Variants in KCND2 observed in about 807,000 individuals in gnomAD.
KCND2 encodes the protein A-type voltage-gated potassium channel KCND2.
In KCND2, 16 loss-of-function variants were observed where a neutral mutation model predicts 54.4. That is an observed-to-expected ratio of 0.29 (90% CI 0.20 to 0.45). KCND2 has a LOEUF of 0.45. Ranked by LOEUF, KCND2 falls within the 20% of genes least tolerant of loss-of-function variation. The pLI is 1.00. For missense variants in KCND2, 486 were observed against 824.2 expected, an observed-to-expected ratio of 0.59 and a Z score of 5.02; for synonymous variants, 317 against 310.7, an observed-to-expected ratio of 1.02 and a Z score of -0.21.
intron 1 of KCND2, among the ~76,000 whole-genome samples, chr7:120,378,857 T>C (rs1800873072): frequency 6.6e-6 from 1 of 151,978 alleles, no homozygotes; most frequent in Non-Finnish European, 1.5e-5. Flanking sequence ...GAGAGGGTGA[T>C]AAAATCTTAG....
At chr7:120,624,105 A>G (rs923966323) in intron 1 of KCND2, among the ~76,000 whole-genome samples, 3 of 152,204 alleles carry the variant, frequency 2.0e-5, no homozygotes, top group Admixed American at 1.3e-4. Context: ...AAAATGAAAG[A>G]TGTATGGTTC....
intron 1 of KCND2, among the ~76,000 whole-genome samples, chr7:120,487,839 G>A (rs571959537): frequency 6.6e-6 from 1 of 152,204 alleles, no homozygotes; most frequent in Non-Finnish European, 1.5e-5. Flanking sequence ...AAATAACATA[G>A]AAGATATCCA....
At chr7:120,586,184 AAC>A (rs906281223) in intron 1 of KCND2, among the ~76,000 whole-genome samples, 2 of 151,216 alleles carry the variant, frequency 1.3e-5, no homozygotes, top group Admixed American at 6.6e-5. Context: ...CACACACACA[AAC>A]ACACACACAC....
rs113887678 is a variant in KCND2, at chr7:120,590,003, TTTTTTG to T, written c.1116-142875_1116-142870del. ...TTTTCACAAAGGCTCGTTATTTCCTTTTTTTGTTTTTGTTTTTGTTTTTGTTTTTGA... is the reference window on the plus strand; with the variant it reads ...TTTTCACAAAGGCTCGTTATTTCCTTTTTTTGTTTTTGTTTTTGTTTTTGA... On this transcript the variant is annotated intron_variant, in intron 1 of 5. Transcript: ENST00000331113. 7.6e-3 allele frequency among the ~76,000 whole-genome samples: 1,161 copies of T among 152,216 alleles called. 10 individuals are homozygous for T. Among genetic ancestry groups the T allele is most frequent in the African/African-American group, 0.027 (1,112 of 41,524 alleles).
At chr7:120,730,089 G>T (rs1792786045) in intron 1 of KCND2, among the ~76,000 whole-genome samples, 1 of 152,062 alleles carries the variant, frequency 6.6e-6, no homozygotes, top group Admixed American at 6.6e-5. Context: ...CTATATGATG[G>T]ATTCACTTAG....
intron 1 of KCND2, among the ~76,000 whole-genome samples, chr7:120,606,205 C>G (rs1355147959): frequency 1.3e-5 from 2 of 152,074 alleles, no homozygotes; most frequent in Non-Finnish European, 2.9e-5. Flanking sequence ...TGAAAATTGA[C>G]TAATAGATTT....
intron 1 of KCND2, among the ~76,000 whole-genome samples, chr7:120,483,252 T>C (rs537977684): frequency 2.2e-4 from 33 of 152,316 alleles, no homozygotes; most frequent in African/African-American, 7.5e-4. Flanking sequence ...TATATGGCTT[T>C]CAACAAAGGG....
chr7:120,532,782 T>C (rs1393307616), intron 1 of KCND2, among the ~76,000 whole-genome samples: 2 of 151,930 alleles, frequency 1.3e-5, no homozygotes, highest in African/African-American at 2.4e-5. Flanking sequence ...ATTATCTGAG[T>C]TATATGTAAA....
intron 1 of KCND2, among the ~76,000 whole-genome samples, chr7:120,460,165 G>C (rs62472319): frequency 0.026 from 3,953 of 152,076 alleles, 58 homozygotes; most frequent in Non-Finnish European, 0.039. Context: ...TTGTTATCTC[G>C]GGGTAGACTT....
chr7:120,296,335 C>G (rs1799513825), intron 1 of KCND2, among the ~76,000 whole-genome samples: 2 of 152,026 alleles, frequency 1.3e-5, no homozygotes, highest in African/African-American at 4.8e-5. Flanking sequence ...TACAAAATTT[C>G]ACAAAGTTTC....
At position 120,547,572 on chromosome 7, in the gene KCND2, A is replaced by G. The variant is rs572415174; in HGVS notation, c.1116-185331A>G. On this transcript the variant is annotated intron_variant, in intron 1 of 5. Transcript: ENST00000331113. ...CCAATTTCTCTCTGTTGTTGCTATT[A>G]AAGTGTCCAGTACATCCAAGGGTGA... Among the ~76,000 whole-genome samples the G allele has an allele frequency of 7.2e-5, 11 of 152,140 alleles. No homozygotes were observed. The South Asian group carries it at 2.3e-3, about 32-fold the overall frequency.
chr7:120,426,877 C>T (rs1801716053), intron 1 of KCND2, among the ~76,000 whole-genome samples: 1 of 152,130 alleles, frequency 6.6e-6, no homozygotes, highest in Non-Finnish European at 1.5e-5. Flanking sequence ...GCTTCAGCCT[C>T]CTAAAGTGCT....
chr7:120,655,623 T>G (rs1791792818), intron 1 of KCND2, among the ~76,000 whole-genome samples: 1 of 152,098 alleles, frequency 6.6e-6, no homozygotes. Flanking sequence ...TGCTCAAGTA[T>G]TTTTACAAAA....
intron 1 of KCND2, among the ~76,000 whole-genome samples, chr7:120,673,984 A>C (rs1792026897): frequency 6.6e-6 from 1 of 151,048 alleles, no homozygotes; most frequent in South Asian, 2.1e-4. Context: ...AGCTCGCTGC[A>C]ACCTCTGCCT....
chr7:120,675,916 G>A (rs868217156), intron 1 of KCND2, among the ~76,000 whole-genome samples: 8 of 145,512 alleles, frequency 5.5e-5, no homozygotes, highest in African/African-American at 2.1e-4. Context: ...GGAGTACGGT[G>A]GTGTGACCTC....
At chr7:120,368,100 A>T (rs1800712990) in intron 1 of KCND2, among the ~76,000 whole-genome samples, 1 of 152,126 alleles carries the variant, frequency 6.6e-6, no homozygotes, top group Admixed American at 6.6e-5. Context: ...GTCAAGGTTC[A>T]TTCGATCCGA....
At chr7:120,544,854 G>A (rs1003599875) in intron 1 of KCND2, among the ~76,000 whole-genome samples, 1 of 151,884 alleles carries the variant, frequency 6.6e-6, no homozygotes, top group African/African-American at 2.4e-5. Flanking sequence ...GGGAAATTAA[G>A]TGATAAAAGA....
At chr7:120,741,038 A>G (rs1287590309) in intron 2 of KCND2, among the ~76,000 whole-genome samples, 2 of 150,146 alleles carry the variant, frequency 1.3e-5, no homozygotes, top group Non-Finnish European at 2.9e-5. Flanking sequence ...ATAGATGAAT[A>G]ATGATTCTTA....
chr7:120,495,988 A>G (rs1802841504), intron 1 of KCND2, among the ~76,000 whole-genome samples: 1 of 152,090 alleles, frequency 6.6e-6, no homozygotes, highest in Non-Finnish European at 1.5e-5. Flanking sequence ...ATGGGCAAAA[A>G]TCCCATTAAA....
Sources: allele counts gnomAD v4.1 joint callset (sites outside exome capture counted in the v4.1 genomes callset), GRCh38; gene constraint gnomAD v4.1.1; transcripts MANE v1.5; gene names NCBI Gene and HGNC (gene_info 2026-07-23, HGNC 2026-07-21).